Variants in KIF1A observed in about 807,000 individuals in gnomAD.
The protein encoded by KIF1A is kinesin family member 1A.
Under a neutral mutation model 227.3 loss-of-function variants are expected in KIF1A, and 46 were observed. That is an observed-to-expected ratio of 0.20 (90% CI 0.16 to 0.26). The LOEUF is 0.26. Ranked by LOEUF, KIF1A falls within the 10% of genes least tolerant of loss-of-function variation. KIF1A has a pLI of 1.00. For missense variants in KIF1A, 1,683 were observed against 2,485.9 expected, an observed-to-expected ratio of 0.68 and a Z score of 6.87; for synonymous variants, 1,022 against 1,012.8, an observed-to-expected ratio of 1.01 and a Z score of -0.17.
chr2:240,765,923 C>T (rs998763496), intron 19 of KIF1A, 130 bp from the exon 20 acceptor site: 6 of 682,112 alleles, frequency 8.8e-6, no homozygotes, highest in Middle Eastern at 3.1e-4. Context: ...CTACACAGGC[C>T]GTGACCATTG....
At position 240,760,818 on chromosome 2, in the gene KIF1A, G is replaced by C. The variant is rs1371683732; in HGVS notation, c.2291C>G (p.Thr764Arg). The C allele has an allele frequency of 8.1e-6, 13 of 1,607,926 alleles. No homozygotes were observed. The South Asian group carries it at 1.2e-4, about 15-fold the overall frequency. ...KKVQFQFVLLTDTLYSPLPPD... is the reference protein window; with the variant it reads ...KKVQFQFVLLRDTLYSPLPPD... ...TGGCAGAGGGGAGTAGAGTGTGTCCGTCAGGAGGACAAACTGGAATTGTAC... is the reference window on the plus strand; with the variant it reads ...TGGCAGAGGGGAGTAGAGTGTGTCCCTCAGGAGGACAAACTGGAATTGTAC... Residue 764 changes from threonine to arginine, a missense_variant, in exon 25 of 49, where the codon ACG becomes AGG. This residue lies in a region of KIF1A where 217 missense variants were observed against 427.0 expected (regional missense o/e 0.51). Transcript: ENST00000498729.
intron 25 of KIF1A, among the ~76,000 whole-genome samples, chr2:240,759,385 C>A (rs1218242990): frequency 1.3e-5 from 2 of 152,102 alleles, no homozygotes; most frequent in Non-Finnish European, 2.9e-5. Context: ...CTTTCTCTAA[C>A]TTTTTCACAC....
rs779578515 is a variant in KIF1A at position 240,722,526 on chromosome 2, G to A, written c.4595C>T (p.Pro1532Leu). The change falls in exon 43 of 49, where the codon CCG becomes CTG. Residue 1532 changes from proline (P) to leucine (L), a missense_variant. Pro to Leu is a moderately conservative substitution (Grantham distance 98, BLOSUM62 -3). Coordinates refer to ENST00000498729, the MANE Select transcript of KIF1A (RefSeq NM_001244008.2). ...TGATGGGCGGCCCTCAGCCGAGAGC[G>A]GGGAGGAGGCGCTGGAGGAGCCATG... ...ESHGSSSASSPLSAEGRPSPL... is the reference protein window; with the variant it reads ...ESHGSSSASSLLSAEGRPSPL... 1.4e-5 allele frequency: 22 copies of A among 1,548,560 alleles called. No individual in the cohort carries two copies. The South Asian group carries it at 1.5e-4, about 11-fold the overall frequency.
intron 38 of KIF1A, chr2:240,734,671 A>T (rs1358200534): frequency 7.7e-7 from 1 of 1,292,638 alleles, no homozygotes; most frequent in Admixed American, 2.3e-5. Flanking sequence ...GGGAGGAAAG[A>T]AGAGGCTGAA....
intron 27 of KIF1A, among the ~76,000 whole-genome samples, chr2:240,755,631 A>G (rs1393907690): frequency 6.6e-6 from 1 of 152,198 alleles, no homozygotes; most frequent in Admixed American, 6.5e-5. Flanking sequence ...ACCCCGCAAT[A>G]TGGGGGCCAG....
intron 38 of KIF1A, among the ~76,000 whole-genome samples, chr2:240,733,453 A>G (rs1488642277): frequency 1.3e-5 from 2 of 152,154 alleles, no homozygotes; most frequent in African/African-American, 4.8e-5. Context: ...GGGTCCCTTG[A>G]CAGGGTTTCT....
Position 240,780,718 on chromosome 2 carries a change from C to T in KIF1A, c.882+1872G>A, listed in dbSNP as rs553975574. 3.3e-5 allele frequency among the ~76,000 whole-genome samples: 5 copies of T among 151,098 alleles called. No individual in the cohort carries two copies. The South Asian group carries it at 6.3e-4, about 19-fold the overall frequency. On this transcript the variant is annotated intron_variant, in intron 10 of 48. Coordinates refer to ENST00000498729, the MANE Select transcript of KIF1A (RefSeq NM_001244008.2). ...CCTCTGGTCCTCACACAGGTTCTTC[C>T]GGCTTCTGACAGAGTTGGACACACA...
Position 240,766,787 on chromosome 2 carries a change from G to T in KIF1A, c.1684+128C>A. 2 of 246,954 alleles carry T rather than the reference G, an allele frequency of 8.1e-6. No homozygotes were observed. The highest frequency in any genetic ancestry group is 4.5e-5 in the Admixed American group (1 of 22,016). 15.3% of individuals were successfully genotyped at this position (246,954 alleles called of 1,614,324 possible). ...CACACACACACACACACACACACAC[G>T]TCCTGCCTAGAAGTATGACTCGCGA... On this transcript the variant is annotated intron_variant, in intron 19 of 48. Coordinates refer to ENST00000498729, the MANE Select transcript of KIF1A (RefSeq NM_001244008.2). This position sits in a 1 kb window ranked among gnomAD's most constrained non-coding sequence, Gnocchi z 5.0.
chr2:240,732,597 G>A (rs570702163), intron 38 of KIF1A, among the ~76,000 whole-genome samples: 2 of 125,238 alleles, frequency 1.6e-5, no homozygotes, highest in Non-Finnish European at 3.4e-5. Flanking sequence ...GGAGGGATCA[G>A]GGATGGATGA....
rs375833834 is a variant in KIF1A, at chr2:240,771,144, C to T, written c.1208-40G>A. 185 of 1,612,912 alleles carry T rather than the reference C, an allele frequency of 1.1e-4. No homozygotes were observed. The African/African-American group carries it at 2.2e-3, about 20-fold the overall frequency. On this transcript the variant is annotated intron_variant, in intron 14 of 48. Transcript: ENST00000498729. The stretch of plus-strand genomic sequence containing the variant: ...TCAGGGGCTTCATTCACCGTCCCGC[C>T]ACGGTTAAGGTTATTGTTCTCAAGG...
At position 240,725,516 on chromosome 2, in the gene KIF1A, C is replaced by T. The variant is rs2045909324; in HGVS notation, c.4123-112G>A. The stretch of plus-strand genomic sequence containing the variant: ...CAGCACCGACAGGCAGCCCCAGGGC[C>T]TTCCCAGGGCCTCAGGTGTGGCCTG... On this transcript the variant is annotated intron_variant, in intron 39 of 48. Coordinates refer to ENST00000498729, the MANE Select transcript of KIF1A (RefSeq NM_001244008.2). This position sits in a 1 kb window ranked among gnomAD's most constrained non-coding sequence, Gnocchi z 5.8. The T allele has an allele frequency of 3.3e-6, 4 of 1,196,966 alleles. No homozygotes were observed. Among genetic ancestry groups the T allele is most frequent in the Admixed American group, 4.6e-5 (2 of 43,752 alleles). 74.1% of individuals were successfully genotyped at this position (1,196,966 alleles called of 1,614,324 possible). A position where few individuals can be genotyped will look rare whatever the true frequency, so the allele number is the denominator to read the frequency against.
chr2:240,775,575 A>C lies in KIF1A; in HGVS notation c.958+276T>G, dbSNP rs2052619911. On this transcript the variant is annotated intron_variant, in intron 11 of 48. Transcript: ENST00000498729. This position sits in a 1 kb window ranked among gnomAD's most constrained non-coding sequence, Gnocchi z 5.5. ...GTACTTGGCCTGGGTGTCACAGCCC[A>C]CCTGACCCAGGACCACTGACACAGG... 6.6e-6 allele frequency among the ~76,000 whole-genome samples: 1 copy of C among 152,168 alleles called. No individual in the cohort carries two copies. Among genetic ancestry groups the C allele is most frequent in the South Asian group, 2.1e-4 (1 of 4,832 alleles).
intron 27 of KIF1A, among the ~76,000 whole-genome samples, chr2:240,756,929 T>C (rs977256035): frequency 6.6e-6 from 1 of 152,206 alleles, no homozygotes; most frequent in Non-Finnish European, 1.5e-5. Context: ...AAATGCCCCT[T>C]GGGCCCTGCA....
At chr2:240,732,376 AG>A (rs1207630737) in intron 38 of KIF1A, among the ~76,000 whole-genome samples, 1 of 106,788 alleles carries the variant, frequency 9.4e-6, no homozygotes, top group African/African-American at 3.7e-5. Flanking sequence ...TGAAGGGAAG[AG>A]GGGCGGAGGG....
chr2:240,767,362 G>A lies in KIF1A; in HGVS notation c.1498-17C>T. The A allele has an allele frequency of 3.7e-6, 6 of 1,606,144 alleles. No homozygotes were observed. The highest frequency in any genetic ancestry group is 5.1e-6 in the Non-Finnish European group (6 of 1,173,290). On this transcript the variant is annotated splice_polypyrimidine_tract_variant and intron_variant, in intron 17 of 48. Coordinates refer to ENST00000498729, the MANE Select transcript of KIF1A (RefSeq NM_001244008.2). ...GTGTGGTGTCTGCAGGGAGACAGGAGGATCATCTCTCTTGCAGAGGGGCAG... is the reference window on the plus strand; with the variant it reads ...GTGTGGTGTCTGCAGGGAGACAGGAAGATCATCTCTCTTGCAGAGGGGCAG...
chr2:240,817,263 C>T (rs920785749), intron 1 of KIF1A, among the ~76,000 whole-genome samples: 1 of 152,204 alleles, frequency 6.6e-6, no homozygotes, highest in Non-Finnish European at 1.5e-5. Context: ...GGGTGTGGCC[C>T]AGCCCCCCAT....
At chr2:240,761,923 G>A (rs769429957) in intron 23 of KIF1A, among the ~76,000 whole-genome samples, 9 of 152,060 alleles carry the variant, frequency 5.9e-5, no homozygotes, top group African/African-American at 1.2e-4. Flanking sequence ...GCCCTGGCCC[G>A]TACACTCTCT....
At chr2:240,802,636 T>C (rs1035127375) in intron 1 of KIF1A, among the ~76,000 whole-genome samples, 2 of 152,192 alleles carry the variant, frequency 1.3e-5, no homozygotes, top group Non-Finnish European at 2.9e-5. Context: ...GTACACATTA[T>C]TTTGTTTATT....
chr2:240,779,063 C>T (rs779521700), intron 10 of KIF1A, among the ~76,000 whole-genome samples: 2 of 151,822 alleles, frequency 1.3e-5, no homozygotes, highest in Non-Finnish European at 2.9e-5. Context: ...CAGTTCCACA[C>T]TCAGTTCCTC....
Sources: allele counts gnomAD v4.1 joint callset (sites outside exome capture counted in the v4.1 genomes callset), GRCh38; gene constraint gnomAD v4.1.1; regional missense constraint gnomAD v4.1.1; non-coding constraint Gnocchi (gnomAD v3.1); transcripts MANE v1.5; gene names NCBI Gene and HGNC (gene_info 2026-07-23, HGNC 2026-07-21).